The following TENM1 variants were observed in gnomAD, a reference collection of about 807,000 sequenced individuals.
The protein encoded by TENM1 is teneurin transmembrane protein 1.
TENM1 carries 35 observed loss-of-function variants against 174.8 expected under a neutral mutation model. The ratio of observed to expected loss-of-function variants is 0.20; its 90% CI spans 0.15 to 0.27. The LOEUF is 0.27. TENM1 is among the 10% of genes least tolerant of loss of function. The pLI is 1.00. For missense variants in TENM1, 1,633 were observed against 2,130.1 expected (o/e 0.77, Z 4.59); for synonymous variants, 781 against 798.7 (o/e 0.98, Z 0.37).
At chrX:124,421,227 T>G (rs1490994498) in intron 24 of TENM1, among the ~76,000 whole-genome samples, 1 of 112,119 alleles carries the variant, frequency 8.9e-6, no homozygotes, top group Non-Finnish European at 1.9e-5. Flanking sequence ...TGCCCTTTCT[T>G]CTGTTAATTC....
chrX:124,409,621 C>T (rs2060507598), intron 25 of TENM1, among the ~76,000 whole-genome samples: 1 of 109,083 alleles, frequency 9.2e-6, no homozygotes, highest in Non-Finnish European at 1.9e-5. Flanking sequence ...TAGAAAACCC[C>T]ATTGTCTCAG....
chrX:124,607,463 T>C (rs1412059458), intron 11 of TENM1, among the ~76,000 whole-genome samples: 1 of 110,402 alleles, frequency 9.1e-6, no homozygotes, highest in Non-Finnish European at 1.9e-5. Context: ...GCAGAAAGAA[T>C]ACCAAGAAGA....
At chrX:124,699,063 A>G (rs2052715230) in intron 5 of TENM1, among the ~76,000 whole-genome samples, 1 of 112,180 alleles carries the variant, frequency 8.9e-6, no homozygotes, top group Admixed American at 9.5e-5. Context: ...GAGTAAGTAT[A>G]GCTTAACGAC....
At chrX:124,536,014 G>A (rs1009823031) in intron 15 of TENM1, among the ~76,000 whole-genome samples, 2 of 111,395 alleles carry the variant, frequency 1.8e-5, no homozygotes, top group African/African-American at 3.3e-5. Context: ...TATTGTGATC[G>A]GGAAGATGAA....
At chrX:124,484,670 A>G (rs1569534166) in intron 21 of TENM1, among the ~76,000 whole-genome samples, 1 of 106,728 alleles carries the variant, frequency 9.4e-6, no homozygotes, top group African/African-American at 3.4e-5. Context: ...TCAATGAGGG[A>G]TTTTTTTTTT....
intron 14 of TENM1, among the ~76,000 whole-genome samples, chrX:124,547,833 T>C (rs1336768057): frequency 8.9e-6 from 1 of 111,892 alleles, no homozygotes; most frequent in East Asian, 2.8e-4. Context: ...ATGCAATTAC[T>C]ATTCTATTTT....
At chrX:124,554,420 T>A (rs751270477) in intron 14 of TENM1, among the ~76,000 whole-genome samples, 2 of 111,795 alleles carry the variant, frequency 1.8e-5, no homozygotes, top group Admixed American at 1.9e-4. Context: ...AGAGTTGAGA[T>A]TTTCTACTTT....
the TENM1 span, among the ~76,000 whole-genome samples, chrX:125,097,206 T>C: frequency 1.8e-5 from 2 of 111,750 alleles, no homozygotes; most frequent in East Asian, 5.6e-4. Context: ...ACCTCTCGCC[T>C]GAGAACAAGT....
intron 11 of TENM1, among the ~76,000 whole-genome samples, chrX:124,576,879 C>T (rs1375747117): frequency 9.0e-6 from 1 of 111,436 alleles, no homozygotes; most frequent in Non-Finnish European, 1.9e-5. Context: ...CCCCTTAATG[C>T]ACATCTAAAT....
chrX:125,192,608 G>C, the TENM1 span, among the ~76,000 whole-genome samples: 1 of 111,755 alleles, frequency 8.9e-6, no homozygotes, highest in Non-Finnish European at 1.9e-5. Flanking sequence ...AAATTATTCA[G>C]ATAAAGAATA....
the TENM1 span, among the ~76,000 whole-genome samples, chrX:125,051,801 A>G: frequency 9.6e-6 from 1 of 104,008 alleles, no homozygotes; most frequent in Non-Finnish European, 2.0e-5. Context: ...CTTCATGTCT[A>G]AAACACCAAA....
chrX:124,949,153 C>A (rs893664921), intron 1 of TENM1, among the ~76,000 whole-genome samples: 7 of 110,864 alleles, frequency 6.3e-5, no homozygotes, highest in African/African-American at 2.3e-4. Context: ...GAGAAAATCT[C>A]TCTCTGAAAA....
chrX:124,381,069 G>A (rs755183073), exon 32 of TENM1: 19 of 1,210,106 alleles, frequency 1.6e-5, no homozygotes, highest in South Asian at 3.5e-5. Context: ...GCAGCAAGCC[G>A]CCTGCTATCT....
At chrX:124,887,714 C>T (rs1230372922) in intron 3 of TENM1, among the ~76,000 whole-genome samples, 1 of 111,396 alleles carries the variant, frequency 9.0e-6, no homozygotes, top group African/African-American at 3.3e-5. Context: ...CACTTCCACA[C>T]TTCCTCTGAT....
intron 3 of TENM1, among the ~76,000 whole-genome samples, chrX:124,778,863 C>A (rs1395388958): frequency 1.8e-5 from 2 of 112,094 alleles, no homozygotes; most frequent in African/African-American, 6.5e-5. Context: ...ATTTCTGAAG[C>A]ATCTGTATAA....
intron 3 of TENM1, among the ~76,000 whole-genome samples, chrX:124,755,819 C>T (rs1234270292): frequency 4.6e-5 from 5 of 108,811 alleles, no homozygotes; most frequent in South Asian, 4.0e-4. Context: ...TATTGGCTCC[C>T]GCTCTCTTCT....
At chrX:124,566,940 A>G (rs1399393657) in intron 11 of TENM1, among the ~76,000 whole-genome samples, 2 of 112,054 alleles carry the variant, frequency 1.8e-5, no homozygotes, top group African/African-American at 6.5e-5. Context: ...AAGTAATAAT[A>G]CTTATACATC....
intron 27 of TENM1, among the ~76,000 whole-genome samples, chrX:124,392,564 A>C (rs1334528933): frequency 9.0e-6 from 1 of 111,012 alleles, no homozygotes; most frequent in Non-Finnish European, 1.9e-5. Context: ...TACTTGAAAT[A>C]CTCTAGACTC....
chrX:124,945,288 A>G (rs1476681170), intron 1 of TENM1, among the ~76,000 whole-genome samples: 1 of 111,558 alleles, frequency 9.0e-6, no homozygotes, highest in Non-Finnish European at 1.9e-5. Context: ...AGAGAGTAGC[A>G]GGAGATGGAG....
Sources: gnomAD v4.1 joint callset for allele counts (sites outside exome capture counted in the v4.1 genomes callset) on GRCh38, gnomAD v4.1.1 for gene constraint, MANE v1.5 for transcripts, NCBI Gene and HGNC (gene_info 2026-07-23, HGNC 2026-07-21) for gene names.